The following CDH4 variants were observed in gnomAD, a reference collection of about 807,000 sequenced individuals.
CDH4 encodes the protein cadherin-4.
CDH4 carries 33 observed loss-of-function variants against 86.0 expected under a neutral mutation model. That is an observed-to-expected ratio of 0.38 (90% confidence interval 0.29 to 0.51). The LOEUF is 0.51. CDH4 is among the 20% of genes least tolerant of loss of function. CDH4 has a pLI of 0.86. For synonymous variants in CDH4, 555 were observed against 549.4 expected (o/e 1.01, Z -0.14); for missense variants, 1,114 against 1,307.4 (o/e 0.85, Z 2.28).
At chr20:61,920,685 CGTG>C (rs2122963114) in intron 9 of CDH4, among the ~76,000 whole-genome samples, 1 of 139,070 alleles carries the variant, frequency 7.2e-6, no homozygotes, top group Non-Finnish European at 1.5e-5. Context: ...AGCGTGGTGT[CGTG>C]ATGATTGCAT....
At chr20:61,728,006 C>G (rs910620363) in intron 2 of CDH4, among the ~76,000 whole-genome samples, 1 of 152,232 alleles carries the variant, frequency 6.6e-6, no homozygotes, top group African/African-American at 2.4e-5. Context: ...GTGTAGGAAG[C>G]ACCTGCGCCT....
intron 2 of CDH4, among the ~76,000 whole-genome samples, chr20:61,700,061 G>A (rs749704426): frequency 1.7e-4 from 26 of 152,212 alleles, no homozygotes; most frequent in Non-Finnish European, 2.9e-4. Context: ...CACCCCCGGG[G>A]ACAAGGAAGG....
rs1430516383 is a variant in CDH4, at chr20:61,510,225, T to C, written c.170-233338T>C. Among the ~76,000 whole-genome samples the C allele has an allele frequency of 6.6e-6, 1 of 152,196 alleles. No individual in the cohort carries two copies. The highest frequency in any genetic ancestry group is 2.4e-5 in the African/African-American group (1 of 41,454). ...TCTATGCGCTCAGCACTCCCGCTCG[T>C]GGAGCTCAGGAAAGGACACCCATGA... On this transcript the variant is annotated intron_variant, in intron 2 of 15. Transcript: ENST00000614565. This position sits in a 1 kb window ranked among gnomAD's most constrained non-coding sequence, Gnocchi z 4.2.
At position 61,663,944 on chromosome 20, in the gene CDH4, G is replaced by A. The variant is rs1049183477; in HGVS notation, c.170-79619G>A. Among the ~76,000 whole-genome samples, 1 of 152,206 alleles carries A rather than the reference G, an allele frequency of 6.6e-6. No homozygotes were observed. The highest frequency in any genetic ancestry group is 1.5e-5 in the Non-Finnish European group (1 of 68,038). On this transcript the variant is annotated intron_variant, in intron 2 of 15. Coordinates refer to ENST00000614565, the MANE Select transcript of CDH4 (RefSeq NM_001794.5). This position sits in a 1 kb window ranked among gnomAD's most constrained non-coding sequence, Gnocchi z 5.0. ...TTAGAGTGACACTGTCCTCTGTCCA[G>A]CACCGGTCCACGTTGAGGTGTCTGT...
At chr20:61,541,946 G>C (rs1428732205) in intron 2 of CDH4, among the ~76,000 whole-genome samples, 1 of 152,164 alleles carries the variant, frequency 6.6e-6, no homozygotes, top group African/African-American at 2.4e-5. Context: ...GGATATGGCT[G>C]TGTGGCCTGG....
chr20:61,492,806 A>G (rs1422087012), intron 2 of CDH4, among the ~76,000 whole-genome samples: 1 of 152,244 alleles, frequency 6.6e-6, no homozygotes, highest in African/African-American at 2.4e-5. Context: ...GAAAGATAGT[A>G]TAGAACATTT....
At chr20:61,395,749 C>T (rs1393846016) in intron 2 of CDH4, among the ~76,000 whole-genome samples, 1 of 152,210 alleles carries the variant, frequency 6.6e-6, no homozygotes, top group Non-Finnish European at 1.5e-5. Flanking sequence ...CACCGCATTC[C>T]AGCCCGGGAA....
chr20:61,792,645 T>C (rs1979264408), intron 4 of CDH4, among the ~76,000 whole-genome samples: 1 of 152,080 alleles, frequency 6.6e-6, no homozygotes, highest in Admixed American at 6.6e-5. Context: ...ATGCTGTGTG[T>C]GTGTGTGTGT....
At chr20:61,445,734 G>A (rs2085346233) in intron 2 of CDH4, among the ~76,000 whole-genome samples, 1 of 152,228 alleles carries the variant, frequency 6.6e-6, no homozygotes, top group African/African-American at 2.4e-5. Context: ...GGAAAAAGAA[G>A]TAAAGCCATG....
At chr20:61,913,892 C>G (rs1226319279) in intron 9 of CDH4, among the ~76,000 whole-genome samples, 7 of 152,194 alleles carry the variant, frequency 4.6e-5, no homozygotes, top group Non-Finnish European at 1.0e-4. Context: ...GCGGGCCACC[C>G]TCTGCTGAGT....
chr20:61,403,602 T>G (rs2085062425), intron 2 of CDH4, among the ~76,000 whole-genome samples: 1 of 152,158 alleles, frequency 6.6e-6, no homozygotes, highest in Non-Finnish European at 1.5e-5. Flanking sequence ...AGGACGGGAC[T>G]TTTTCCCTGA....
chr20:61,372,272 G>C (rs1003775083), intron 2 of CDH4, among the ~76,000 whole-genome samples: 24 of 152,214 alleles, frequency 1.6e-4, no homozygotes, highest in African/African-American at 5.3e-4. Flanking sequence ...CCTGGCCCAT[G>C]GGTCTGTCCC....
In CDH4 at chr20:61,525,724, T is replaced by A. The variant is rs140966386; in HGVS notation, c.170-217839T>A. 2.0e-4 allele frequency among the ~76,000 whole-genome samples: 31 copies of A among 152,284 alleles called. No homozygotes were observed. In the East Asian group the frequency reaches 4.8e-3, roughly 24 times the overall value. On this transcript the variant is annotated intron_variant, in intron 2 of 15. Coordinates refer to ENST00000614565, the MANE Select transcript of CDH4 (RefSeq NM_001794.5). The stretch of plus-strand genomic sequence containing the variant: ...CTGCTGTGACTGAGAAACTCAGAAC[T>A]CCCAGGGATTCTGCAGGTTTCTTTC...
At chr20:61,275,261 T>TGGGGGAGCACCATGCGCAGTTG (rs2084222562) in intron 2 of CDH4, among the ~76,000 whole-genome samples, 1 of 114,198 alleles carries the variant, frequency 8.8e-6, no homozygotes, top group African/African-American at 3.4e-5. Context: ...GTGTGCAGTT[T>TGGGGGAGCACCATGCGCAGTTG]GGGGGAGCAC....
chr20:61,549,734 G>A (rs1361343514), intron 2 of CDH4, among the ~76,000 whole-genome samples: 1 of 152,258 alleles, frequency 6.6e-6, no homozygotes, highest in African/African-American at 2.4e-5. Context: ...CGAGATTGCA[G>A]CATTAGACAG....
chr20:61,382,103 TA>T (rs776686009), intron 2 of CDH4, among the ~76,000 whole-genome samples: 5 of 141,738 alleles, frequency 3.5e-5, no homozygotes, highest in Non-Finnish European at 7.7e-5. Flanking sequence ...ATAATTAAAA[TA>T]AAAAGATCAC....
At chr20:61,792,576 T>C (rs1440995191) in intron 4 of CDH4, among the ~76,000 whole-genome samples, 1 of 152,164 alleles carries the variant, frequency 6.6e-6, no homozygotes, top group Non-Finnish European at 1.5e-5. Context: ...CTTTATTCTA[T>C]TGTCTCTTAG....
chr20:61,444,304 T>TA (rs1221353369), intron 2 of CDH4, among the ~76,000 whole-genome samples: 1,223 of 142,574 alleles, frequency 8.6e-3, no homozygotes, highest in Admixed American at 0.022. Context: ...TTTCTTTGTG[T>TA]ATGTATTTTT....
intron 2 of CDH4, among the ~76,000 whole-genome samples, chr20:61,363,189 G>A (rs540819486): frequency 6.6e-6 from 1 of 152,336 alleles, no homozygotes; most frequent in Admixed American, 6.5e-5. Flanking sequence ...TGATGCACAT[G>A]TGTGAGCTGG....
Sources: allele counts gnomAD v4.1 joint callset (sites outside exome capture counted in the v4.1 genomes callset), GRCh38; gene constraint gnomAD v4.1.1; non-coding constraint Gnocchi (gnomAD v3.1); transcripts MANE v1.5; gene names NCBI Gene and HGNC (gene_info 2026-07-23, HGNC 2026-07-21).